HTR1E: variants seen among roughly 807,000 people sequenced by gnomAD.
HTR1E encodes the protein 5-hydroxytryptamine receptor 1E, also known as 5-HT-1E.
In HTR1E, 3 loss-of-function variants were observed where a neutral mutation model predicts 3.4. The observed-to-expected ratio is 0.89, with a 90% CI of 0.41 to 2.31. HTR1E has a LOEUF of 2.31. Among genes scored for constraint, HTR1E ranks in the 30% most tolerant of loss-of-function variants. The pLI, the probability that HTR1E is intolerant of heterozygous loss-of-function variation, is 0.05. For missense variants in HTR1E, 392 were observed against 467.0 expected (o/e 0.84, Z 1.48); for synonymous variants, 170 against 182.8 (o/e 0.93, Z 0.56).
chr6:86,980,081 A>T (rs1252545891), intron 1 of HTR1E, among the ~76,000 whole-genome samples: 2 of 152,210 alleles, frequency 1.3e-5, no homozygotes, highest in Non-Finnish European at 2.9e-5. Flanking sequence ...TGACAAGATC[A>T]GTCCTTTAGA....
intron 1 of HTR1E, among the ~76,000 whole-genome samples, chr6:86,995,251 G>A (rs757698455): frequency 4.6e-5 from 7 of 151,548 alleles, no homozygotes; most frequent in Non-Finnish European, 1.0e-4. Context: ...AAGACTTTGA[G>A]ACCAGTCTGG....
chr6:86,982,161 G>T (rs1310101654), intron 1 of HTR1E, among the ~76,000 whole-genome samples: 3 of 152,114 alleles, frequency 2.0e-5, no homozygotes, highest in African/African-American at 7.2e-5. Flanking sequence ...TCTATCTCTT[G>T]TCTTTCTTCT....
At chr6:86,996,412 A>C (rs889057620) in intron 1 of HTR1E, among the ~76,000 whole-genome samples, 1 of 152,146 alleles carries the variant, frequency 6.6e-6, no homozygotes, top group Non-Finnish European at 1.5e-5. Context: ...TTTTATAGAG[A>C]AAATCAATGA....
intron 1 of HTR1E, among the ~76,000 whole-genome samples, chr6:87,006,983 T>C (rs1196016812): frequency 6.6e-6 from 1 of 152,152 alleles, no homozygotes; most frequent in East Asian, 1.9e-4. Context: ...CGGAGCTTAA[T>C]AACTAGGTGA....
At chr6:86,983,878 T>C (rs551751337) in intron 1 of HTR1E, among the ~76,000 whole-genome samples, 28 of 152,084 alleles carry the variant, frequency 1.8e-4, no homozygotes, top group Non-Finnish European at 2.6e-4. Context: ...ATAACCAATA[T>C]ATAAAACTGA....
intron 1 of HTR1E, among the ~76,000 whole-genome samples, chr6:86,972,458 T>C (rs563451055): frequency 7.2e-5 from 11 of 152,314 alleles, no homozygotes; most frequent in African/African-American, 7.2e-5. Context: ...CATTGAAATA[T>C]TGTTGTATGG....
intron 1 of HTR1E, chr6:87,000,308 AGCTAGAAG>A (rs1413635205): frequency 6.6e-6 from 1 of 152,366 alleles, no homozygotes; most frequent in African/African-American, 2.4e-5. Flanking sequence ...GGGTCAATTC[AGCTAGAAG>A]ATAAAACAAT....
At chr6:86,980,405 A>C (rs991045123) in intron 1 of HTR1E, among the ~76,000 whole-genome samples, 1 of 151,874 alleles carries the variant, frequency 6.6e-6, no homozygotes, top group Non-Finnish European at 1.5e-5. Context: ...AAAAAAGAAA[A>C]AAAGAGAAGA....
intron 1 of HTR1E, among the ~76,000 whole-genome samples, chr6:87,007,665 G>A (rs1768136135): frequency 6.6e-6 from 1 of 152,148 alleles, no homozygotes; most frequent in South Asian, 2.1e-4. Context: ...GCTGGGCATG[G>A]TGGCTCACAC....
chr6:87,005,998 T>C (rs376714673), intron 1 of HTR1E, among the ~76,000 whole-genome samples: 1 of 152,210 alleles, frequency 6.6e-6, no homozygotes, highest in Non-Finnish European at 1.5e-5. Flanking sequence ...TCACTGATCA[T>C]CAGATAAGTG....
At chr6:86,965,275 T>C (rs1443576956) in intron 1 of HTR1E, among the ~76,000 whole-genome samples, 1 of 152,176 alleles carries the variant, frequency 6.6e-6, no homozygotes, top group Non-Finnish European at 1.5e-5. Flanking sequence ...TGTTCCTACC[T>C]GATAATGAGG....
intron 1 of HTR1E, among the ~76,000 whole-genome samples, chr6:86,970,017 C>A (rs1013000109): frequency 1.3e-5 from 2 of 152,222 alleles, no homozygotes; most frequent in African/African-American, 2.4e-5. Flanking sequence ...AAACCAATAT[C>A]ATCCCTGGAT....
intron 1 of HTR1E, among the ~76,000 whole-genome samples, chr6:86,996,942 A>G (rs972158334): frequency 1.3e-5 from 2 of 152,118 alleles, no homozygotes; most frequent in Admixed American, 1.3e-4. Flanking sequence ...AATATCTTCC[A>G]TGAATATAGA....
chr6:86,997,579 T>C (rs1767961604), intron 1 of HTR1E, among the ~76,000 whole-genome samples: 1 of 151,770 alleles, frequency 6.6e-6, no homozygotes, highest in Admixed American at 6.6e-5. Flanking sequence ...TCAAACACAA[T>C]GCCATTTGCA....
intron 1 of HTR1E, among the ~76,000 whole-genome samples, chr6:86,957,022 C>A (rs947887815): frequency 6.6e-6 from 1 of 152,208 alleles, no homozygotes; most frequent in Non-Finnish European, 1.5e-5. Flanking sequence ...AGTTCTATTA[C>A]ATGTTAACCT....
At chr6:86,991,670 A>G (rs140063822) in intron 1 of HTR1E, among the ~76,000 whole-genome samples, 1 of 152,282 alleles carries the variant, frequency 6.6e-6, no homozygotes, top group Non-Finnish European at 1.5e-5. Flanking sequence ...TGTTCAGTGA[A>G]GAACAAACTA....
chr6:86,961,348 G>C (rs1331902403), intron 1 of HTR1E, among the ~76,000 whole-genome samples: 2 of 152,086 alleles, frequency 1.3e-5, no homozygotes, highest in Non-Finnish European at 2.9e-5. Flanking sequence ...ATAATGTCAG[G>C]TTCGTAAGAA....
rs183482364 is a variant in HTR1E, at chr6:86,997,037, C to G, written c.-185-18113C>G. Among the ~76,000 whole-genome samples, 13 of 151,938 alleles carry G rather than the reference C, an allele frequency of 8.6e-5. No homozygotes were observed. The East Asian group carries it at 2.3e-3, about 27-fold the overall frequency. On this transcript the variant is annotated intron_variant, in intron 1 of 1. Coordinates refer to ENST00000305344, the MANE Select transcript of HTR1E (RefSeq NM_000865.3). ...ACAGCACAAACAAGCGAGATTTATT[C>G]TAGAAATGCAAGGCTGTATAATCCA...
intron 1 of HTR1E, among the ~76,000 whole-genome samples, chr6:86,979,508 A>G (rs1191213274): frequency 6.6e-6 from 1 of 152,194 alleles, no homozygotes; most frequent in African/African-American, 2.4e-5. Context: ...GAGAGGACAG[A>G]TATAAGGTGA....
Sources: allele counts gnomAD v4.1 joint callset (sites outside exome capture counted in the v4.1 genomes callset), GRCh38; gene constraint gnomAD v4.1.1; transcripts MANE v1.5; gene names NCBI Gene and HGNC (gene_info 2026-07-23, HGNC 2026-07-21).